Variants in FBXL20 observed in about 807,000 individuals in gnomAD.
FBXL20 encodes the protein F-box and leucine rich repeat protein 20.
FBXL20 carries 11 observed loss-of-function variants against 64.0 expected under a neutral mutation model. The ratio of observed to expected loss-of-function variants is 0.17; its 90% CI spans 0.11 to 0.28. The LOEUF (loss-of-function observed/expected upper bound fraction) is 0.28. Among genes scored for constraint, FBXL20 ranks in the 10% least tolerant of loss-of-function variants. FBXL20 has a pLI of 1.00. For missense variants in FBXL20, 303 were observed against 526.2 expected (o/e 0.58, Z 4.15); for synonymous variants, 184 against 189.0 (o/e 0.97, Z 0.22).
chr17:39,364,793 A>C (rs2047842999), intron 1 of FBXL20, among the ~76,000 whole-genome samples: 1 of 152,158 alleles, frequency 6.6e-6, no homozygotes, highest in Non-Finnish European at 1.5e-5. Context: ...AGCAACACCA[A>C]AAGGTCTCAG....
At chr17:39,355,855 CAAAAAA>C (rs746086439) in intron 1 of FBXL20, among the ~76,000 whole-genome samples, 1 of 67,612 alleles carries the variant, frequency 1.5e-5, no homozygotes, top group East Asian at 4.7e-4. Flanking sequence ...GACTTCGTCT[CAAAAAA>C]AAAAAAAAAA....
rs946797852 is a variant in FBXL20 at position 39,270,708 on chromosome 17, C to T, written c.888+88G>A. ...CTCACCCAATTCTGCTACCATTTCA[C>T]ATTTCCCTTGCTGCTTGTTCTTCTG... On this transcript the variant is annotated intron_variant, in intron 11 of 14. Coordinates refer to ENST00000264658, the MANE Select transcript of FBXL20 (RefSeq NM_032875.3). 2.8e-5 allele frequency: 32 copies of T among 1,150,100 alleles called. No homozygotes were observed. In the African/African-American group the frequency reaches 3.8e-4, roughly 14 times the overall value. The allele number at this position is 1,150,100 out of a possible 1,614,324, so 71.2% of individuals were successfully genotyped here.
intron 2 of FBXL20, among the ~76,000 whole-genome samples, chr17:39,312,012 CTAAGTAT>C (rs2047239287): frequency 6.6e-6 from 1 of 152,142 alleles, no homozygotes; most frequent in Non-Finnish European, 1.5e-5. Context: ...TGAAGGGGTT[CTAAGTAT>C]TAAGATGTCA....
chr17:39,342,960 T>A (rs1405657055), intron 2 of FBXL20, among the ~76,000 whole-genome samples: 1 of 152,138 alleles, frequency 6.6e-6, no homozygotes, highest in Non-Finnish European at 1.5e-5. Context: ...TAAAATCATA[T>A]CATAAGTACA....
At chr17:39,315,577 A>T (rs1427016605) in intron 2 of FBXL20, among the ~76,000 whole-genome samples, 2 of 151,758 alleles carry the variant, frequency 1.3e-5, no homozygotes, top group African/African-American at 4.8e-5. Context: ...GAGTCCAAGC[A>T]GAGTGAGGAG....
At chr17:39,304,714 C>A (rs536386059) in intron 2 of FBXL20, among the ~76,000 whole-genome samples, 1 of 152,322 alleles carries the variant, frequency 6.6e-6, no homozygotes, top group East Asian at 1.9e-4. Flanking sequence ...ACCTCAGCCT[C>A]CCAAATAGCT....
At chr17:39,303,771 T>C in intron 2 of FBXL20, 132 bp from the exon 3 acceptor site, 1 of 670,326 alleles carries the variant, frequency 1.5e-6, no homozygotes, top group Non-Finnish European at 2.4e-6. Context: ...GCCCCAGCCT[T>C]GACTTCCTGG....
chr17:39,359,770 C>T (rs1020860650), intron 1 of FBXL20, among the ~76,000 whole-genome samples: 8 of 152,104 alleles, frequency 5.3e-5, no homozygotes, highest in African/African-American at 1.9e-4. Flanking sequence ...TCATATGATC[C>T]GGCAATTCCT....
intron 1 of FBXL20, among the ~76,000 whole-genome samples, chr17:39,395,200 A>G (rs1597840651): frequency 6.6e-6 from 1 of 152,246 alleles, no homozygotes; most frequent in East Asian, 1.9e-4. Flanking sequence ...CGAGGTGGGC[A>G]GATCACCTGA....
intron 2 of FBXL20, among the ~76,000 whole-genome samples, chr17:39,317,678 T>G (rs536819460): frequency 1.3e-4 from 8 of 63,638 alleles, no homozygotes; most frequent in East Asian, 7.7e-4. Context: ...TTTGACTTTG[T>G]TTTTTTTTTT....
chr17:39,353,919 C>T (rs2034515065), intron 1 of FBXL20, among the ~76,000 whole-genome samples: 1 of 152,012 alleles, frequency 6.6e-6, no homozygotes, highest in Non-Finnish European at 1.5e-5. Flanking sequence ...CCACCGCACC[C>T]AGCCTATTTT....
At chr17:39,364,133 G>A (rs888697331) in intron 1 of FBXL20, among the ~76,000 whole-genome samples, 3 of 151,906 alleles carry the variant, frequency 2.0e-5, no homozygotes, top group Admixed American at 6.6e-5. Context: ...CAAGTGATCC[G>A]CCCACCTCAG....
At chr17:39,303,130 G>A (rs2047152580) in intron 3 of FBXL20, among the ~76,000 whole-genome samples, 1 of 151,986 alleles carries the variant, frequency 6.6e-6, no homozygotes, top group Non-Finnish European at 1.5e-5. Context: ...GCATCAACAT[G>A]TGACTTCATG....
chr17:39,274,481 A>G (rs2046873115), intron 10 of FBXL20, among the ~76,000 whole-genome samples: 1 of 152,186 alleles, frequency 6.6e-6, no homozygotes, highest in South Asian at 2.1e-4. Flanking sequence ...AAAAAGTAAA[A>G]AACACAGCAT....
intron 1 of FBXL20, among the ~76,000 whole-genome samples, chr17:39,377,150 C>T (rs527726922): frequency 1.3e-5 from 2 of 152,278 alleles, no homozygotes; most frequent in South Asian, 4.2e-4. Context: ...CTGACCCTCC[C>T]TAAACTGCTC....
At chr17:39,291,798 C>T (rs896524404) in intron 6 of FBXL20, among the ~76,000 whole-genome samples, 5 of 152,154 alleles carry the variant, frequency 3.3e-5, no homozygotes, top group South Asian at 2.1e-4. Flanking sequence ...ATACCTTAGG[C>T]GCATTCCACA....
At chr17:39,285,176 T>A (rs541041041) in intron 7 of FBXL20, among the ~76,000 whole-genome samples, 2 of 152,284 alleles carry the variant, frequency 1.3e-5, no homozygotes, top group South Asian at 2.1e-4. Flanking sequence ...AATGCTGGGA[T>A]TACAGGCGTG....
At chr17:39,274,508 C>T (rs1280692092) in intron 10 of FBXL20, among the ~76,000 whole-genome samples, 2 of 152,006 alleles carry the variant, frequency 1.3e-5, no homozygotes, top group African/African-American at 4.8e-5. Flanking sequence ...AACTGAGGAG[C>T]CAGAGAGAAA....
chr17:39,399,155 CA>C (rs2048216450), intron 1 of FBXL20, among the ~76,000 whole-genome samples: 1 of 152,068 alleles, frequency 6.6e-6, no homozygotes, highest in African/African-American at 2.4e-5. Context: ...CTTACGTAGC[CA>C]CAATTTGAAA....
Sources: gnomAD v4.1 joint callset for allele counts (sites outside exome capture counted in the v4.1 genomes callset) on GRCh38, gnomAD v4.1.1 for gene constraint, MANE v1.5 for transcripts, NCBI Gene and HGNC (gene_info 2026-07-23, HGNC 2026-07-21) for gene names.